Variants in NCK1 observed in about 807,000 individuals in gnomAD.
NCK1 encodes the protein NCK adaptor protein 1, also known as SH2/SH3 adapter protein NCK1.
Under a neutral mutation model 36.6 loss-of-function variants are expected in NCK1, and 19 were observed. The observed-to-expected ratio is 0.52, with a 90% CI of 0.36 to 0.76. The LOEUF is 0.76. Among genes scored for constraint, NCK1 ranks in the 30% least tolerant of loss-of-function variants. The probability of loss-of-function intolerance (pLI) is 0.00; values close to 1 mark genes in which losing one functional copy is unlikely to be tolerated. For synonymous variants in NCK1, 165 were observed against 156.0 expected (o/e 1.06, Z -0.43); for missense variants, 358 against 445.6 (o/e 0.80, Z 1.77).
At chr3:136,930,355 T>C in intron 2 of NCK1, 3 of 865,382 alleles carry the variant, frequency 3.5e-6, no homozygotes, top group Non-Finnish European at 4.5e-6. Flanking sequence ...GATTATTTAC[T>C]TGTTATACAG....
At chr3:136,899,634 A>G (rs1303088755) in intron 1 of NCK1, 2 of 688,916 alleles carry the variant, frequency 2.9e-6, no homozygotes, top group South Asian at 1.5e-5. Context: ...TTTCCCTTGA[A>G]TACCACCATT....
intron 1 of NCK1, among the ~76,000 whole-genome samples, chr3:136,901,533 T>C (rs1939541765): frequency 6.6e-6 from 1 of 152,152 alleles, no homozygotes; most frequent in Non-Finnish European, 1.5e-5. Context: ...TGGGAGACTT[T>C]ATTACTGATT....
chr3:136,872,611 C>T (rs1384831472), intron 1 of NCK1, among the ~76,000 whole-genome samples: 2 of 152,234 alleles, frequency 1.3e-5, no homozygotes, highest in Non-Finnish European at 2.9e-5. Flanking sequence ...GGGAAAATGT[C>T]TGCAGGGCGT....
At position 136,893,178 on chromosome 3, in the gene NCK1, G is replaced by GTGTGTGTGTGTA. The variant is rs1249245313; in HGVS notation, c.-19+30826_-19+30827insGTGTGTGTGTAT. Among the ~76,000 whole-genome samples the GTGTGTGTGTGTA allele has an allele frequency of 2.3e-4, 8 of 34,646 alleles. 1 individual carries two copies. The highest frequency in any genetic ancestry group is 3.5e-4 in the Non-Finnish European group (6 of 17,372). 22.7% of individuals were successfully genotyped at this position (34,646 alleles called of 152,430 possible). A position where few individuals can be genotyped will look rare whatever the true frequency, so the allele number is the denominator to read the frequency against. On this transcript the variant is annotated intron_variant, in intron 1 of 3. Transcript: ENST00000481752. ...TGTGTGTGTGTGTGTGTGTGTGTGTGTATATATATATATACACACATGTGC... is the reference window on the plus strand; with the variant it reads ...TGTGTGTGTGTGTGTGTGTGTGTGTGTGTGTGTGTGTATATATATATATATACACACATGTGC...
intron 1 of NCK1, among the ~76,000 whole-genome samples, chr3:136,904,715 T>G (rs1560042183): frequency 6.6e-6 from 1 of 152,220 alleles, no homozygotes; most frequent in African/African-American, 2.4e-5. Context: ...TGGAAAATTT[T>G]TACCTATTAT....
chr3:136,889,783 G>A (rs1448111643), intron 1 of NCK1, among the ~76,000 whole-genome samples: 2 of 152,310 alleles, frequency 1.3e-5, no homozygotes, highest in East Asian at 3.9e-4. Flanking sequence ...GTCGATTGGT[G>A]CATTCACAAA....
At chr3:136,888,447 G>C (rs1939132457) in intron 1 of NCK1, among the ~76,000 whole-genome samples, 1 of 151,502 alleles carries the variant, frequency 6.6e-6, no homozygotes, top group Admixed American at 6.6e-5. Context: ...TGTGTCACCA[G>C]GGTGGAGTGC....
At chr3:136,905,528 C>G (rs1190737032) in intron 1 of NCK1, among the ~76,000 whole-genome samples, 1 of 152,024 alleles carries the variant, frequency 6.6e-6, no homozygotes, top group African/African-American at 2.4e-5. Context: ...GCTGGGATTA[C>G]AGACAAGGGT....
rs185352960 is a variant in NCK1, at chr3:136,942,932, A to G, written c.227-2651A>G. Among the ~76,000 whole-genome samples the G allele has an allele frequency of 1.3e-3, 194 of 152,326 alleles. No individual in the cohort carries two copies. In the Middle Eastern group the frequency reaches 0.014, roughly 11 times the overall value. ...TGCTCAGGTCCTTCAGGGAGCTGCC[A>G]GACAAGTTGAAACCCACAATCACAA... On this transcript the variant is annotated intron_variant, in intron 2 of 3. Transcript: ENST00000481752.
In NCK1 at chr3:136,926,985, T is replaced by G. The variant is rs12637237; in HGVS notation, c.-18-999T>G. Among the ~76,000 whole-genome samples the G allele has an allele frequency of 7.1e-3, 1,074 of 152,316 alleles. 87 individuals are homozygous for G. In the East Asian group the frequency reaches 0.18, roughly 25 times the overall value. On this transcript the variant is annotated intron_variant, in intron 1 of 3. Coordinates refer to ENST00000481752, the MANE Select transcript of NCK1 (RefSeq NM_001291999.2). ...AATGTTTGTATTTATTTATTTATTTTTTTGAGACCAAGTCTGGCTGTGTCA... is the reference window on the plus strand; with the variant it reads ...AATGTTTGTATTTATTTATTTATTTGTTTGAGACCAAGTCTGGCTGTGTCA...
At chr3:136,899,593 G>C in intron 1 of NCK1, 1 of 629,278 alleles carries the variant, frequency 1.6e-6, no homozygotes, top group African/African-American at 1.8e-5. Flanking sequence ...ATTTTCCTCT[G>C]TTGTACCGCA....
chr3:136,868,893 C>G (rs1490525608), intron 1 of NCK1, among the ~76,000 whole-genome samples: 12 of 152,144 alleles, frequency 7.9e-5, no homozygotes, highest in Admixed American at 7.2e-4. Flanking sequence ...TTTTTGTCCT[C>G]TTGTTCATCT....
At chr3:136,890,036 C>T (rs577046959) in intron 1 of NCK1, among the ~76,000 whole-genome samples, 94 of 152,300 alleles carry the variant, frequency 6.2e-4, no homozygotes, top group African/African-American at 2.1e-3. Context: ...TGGGATTGGG[C>T]GCCCTGGAGC....
Position 136,912,269 on chromosome 3 carries a change from TCTC to T in NCK1, c.-18-15712_-18-15710del, listed in dbSNP as rs1240520737. Among the ~76,000 whole-genome samples the T allele has an allele frequency of 1.9e-4, 29 of 150,842 alleles. 1 individual carries two copies. The highest frequency in any genetic ancestry group is 1.9e-3 in the Admixed American group (28 of 15,092). On this transcript the variant is annotated intron_variant, in intron 1 of 3. Coordinates refer to ENST00000481752, the MANE Select transcript of NCK1 (RefSeq NM_001291999.2). ...CCTCTGCCTTCCAGGTTCAAGCAATTCTCCTGCCTCAGCCTCCCACGTAGCTGG... is the reference window on the plus strand; with the variant it reads ...CCTCTGCCTTCCAGGTTCAAGCAATTCTGCCTCAGCCTCCCACGTAGCTGG...
At chr3:136,896,164 T>C (rs1560039492) in intron 1 of NCK1, among the ~76,000 whole-genome samples, 2 of 152,230 alleles carry the variant, frequency 1.3e-5, no homozygotes, top group East Asian at 1.9e-4. Flanking sequence ...CTCTCTTCTA[T>C]CTACTTTGAA....
rs75755018 is a variant in NCK1, at chr3:136,912,492, CT to C, written c.-18-15478del. ...TTGCCTCTTTTGACTTTTCTTCAGT[CT>C]TTTTTTTTTTTTTATGTTGCCCTAT... On this transcript the variant is annotated intron_variant, in intron 1 of 3. Coordinates refer to ENST00000481752, the MANE Select transcript of NCK1 (RefSeq NM_001291999.2). Among the ~76,000 whole-genome samples, 658 of 145,560 alleles carry C rather than the reference CT, an allele frequency of 4.5e-3. 3 individuals carry two copies. Among genetic ancestry groups the C allele is most frequent in the African/African-American group, 0.011 (439 of 39,548 alleles).
In NCK1 at chr3:136,946,238, G is replaced by A; in HGVS notation, c.882G>A (p.Met294Ile). ...AAGTCACCAGGCATCAAGCAGAAATGGCATTAAATGAAAGAGGACATGAAG... is the reference window on the plus strand; with the variant it reads ...AAGTCACCAGGCATCAAGCAGAAATAGCATTAAATGAAAGAGGACATGAAG... ...YGKVTRHQAE[M>I]ALNERGHEGD... The change falls in exon 3 of 4, where the codon ATG becomes ATA. Residue 294 changes from methionine (M) to isoleucine (I), a missense_variant. Physicochemically the swap from Met to Ile is conservative, Grantham distance 10. This residue lies in a region of NCK1 where 207 missense variants were observed against 253.4 expected (regional missense o/e 0.82). Transcript: ENST00000481752. 2 of 1,613,260 alleles carry A rather than the reference G, an allele frequency of 1.2e-6. No homozygotes were observed. The highest frequency in any genetic ancestry group is 1.7e-6 in the Non-Finnish European group (2 of 1,179,864).
intron 1 of NCK1, chr3:136,899,398 GA>G (rs1939479226): frequency 4.1e-6 from 1 of 244,658 alleles, no homozygotes. Flanking sequence ...TTCTACTGGG[GA>G]TTTTACCTTC....
chr3:136,873,629 C>G (rs544540098), intron 1 of NCK1, among the ~76,000 whole-genome samples: 10 of 151,998 alleles, frequency 6.6e-5, no homozygotes, highest in Non-Finnish European at 1.3e-4. Context: ...TGGCTGTGTC[C>G]CCACCCATAT....
Sources: gnomAD v4.1 joint callset for allele counts (sites outside exome capture counted in the v4.1 genomes callset) on GRCh38, gnomAD v4.1.1 for gene constraint, gnomAD v4.1.1 regional missense constraint, MANE v1.5 for transcripts, NCBI Gene and HGNC (gene_info 2026-07-23, HGNC 2026-07-21) for gene names.